The following CENPU variants were observed in gnomAD, a reference collection of about 807,000 sequenced individuals.
CENPU encodes KSHV latent nuclear antigen interacting protein 1.
A neutral mutation model predicts 56.7 loss-of-function variants in CENPU; 46 were observed. The ratio of observed to expected loss-of-function variants is 0.81; its 90% CI spans 0.64 to 1.04. The LOEUF is 1.04. Ranked by LOEUF, CENPU falls within the 50% of genes least tolerant of loss-of-function variation. CENPU has a pLI of 0.00. For missense variants in CENPU, 510 were observed against 490.1 expected (o/e 1.04, Z -0.38); for synonymous variants, 166 against 163.0 (o/e 1.02, Z -0.14).
In CENPU at chr4:184,695,224, A is replaced by T; in HGVS notation, c.*64T>A. ...CAAAACAATTGATTTATAAAGGTACAGTTTCAGAAGGTAACAGCATGAGAC... is the reference window on the plus strand; with the variant it reads ...CAAAACAATTGATTTATAAAGGTACTGTTTCAGAAGGTAACAGCATGAGAC... On this transcript the variant is annotated 3_prime_UTR_variant, in exon 13 of 13. Coordinates refer to ENST00000281453, the MANE Select transcript of CENPU (RefSeq NM_024629.4). 5.7e-6 allele frequency: 6 copies of T among 1,048,308 alleles called. No individual in the cohort carries two copies. The South Asian group carries it at 7.7e-5, about 13-fold the overall frequency. 64.9% of individuals were successfully genotyped at this position (1,048,308 alleles called of 1,614,324 possible).
rs1231038636 is a variant in CENPU, at chr4:184,712,855, A to G, written c.688+89T>C. The G allele has an allele frequency of 2.2e-5, 20 of 901,424 alleles. No individual in the cohort carries two copies. The African/African-American group carries it at 2.2e-4, about 10-fold the overall frequency. 55.8% of individuals were successfully genotyped at this position (901,424 alleles called of 1,614,324 possible). ...AAAGTGGCAATTTTATGTACTTACAATTTACTACTATAACAAATTAAGAAT... is the reference window on the plus strand; with the variant it reads ...AAAGTGGCAATTTTATGTACTTACAGTTTACTACTATAACAAATTAAGAAT... On this transcript the variant is annotated intron_variant, in intron 7 of 12. Coordinates refer to ENST00000281453, the MANE Select transcript of CENPU (RefSeq NM_024629.4).
chr4:184,726,656 C>CA (rs1280235293), intron 3 of CENPU, among the ~76,000 whole-genome samples: 3 of 152,076 alleles, frequency 2.0e-5, no homozygotes, highest in African/African-American at 7.2e-5. Flanking sequence ...AGCAGGGACT[C>CA]AAACAGATAT....
At chr4:184,721,480 G>GAAAAAAAA (rs1761275743) in intron 4 of CENPU, among the ~76,000 whole-genome samples, 6 of 40,796 alleles carry the variant, frequency 1.5e-4, no homozygotes, top group African/African-American at 5.1e-4. Context: ...AAAAAAAAAG[G>GAAAAAAAA]ACCCAATGAT....
chr4:184,720,969 C>A lies in CENPU; in HGVS notation c.321-3773G>T, dbSNP rs1039005873. On this transcript the variant is annotated intron_variant, in intron 4 of 12. Transcript: ENST00000281453. ...AAACTCACTGGTAATATGAAGTACACGGAAAAAGATAACACTGTAGCTGAT... is the reference window on the plus strand; with the variant it reads ...AAACTCACTGGTAATATGAAGTACAAGGAAAAAGATAACACTGTAGCTGAT... Among the ~76,000 whole-genome samples, 5 of 151,904 alleles carry A rather than the reference C, an allele frequency of 3.3e-5. No individual in the cohort carries two copies. The East Asian group carries it at 9.6e-4, about 29-fold the overall frequency.
At position 184,721,163 on chromosome 4, in the gene CENPU, C is replaced by T. The variant is rs760703197; in HGVS notation, c.320+3794G>A. On this transcript the variant is annotated intron_variant, in intron 4 of 12. Transcript: ENST00000281453. Reference sequence around the variant, plus strand: ...TTAGTTTTCTTTTTGCTTGTTTATGCGAGCAGGGTTAAGTTGTTAATGGCA... The same window carrying T: ...TTAGTTTTCTTTTTGCTTGTTTATGTGAGCAGGGTTAAGTTGTTAATGGCA... Among the ~76,000 whole-genome samples, 11 of 151,980 alleles carry T rather than the reference C, an allele frequency of 7.2e-5. No individual in the cohort carries two copies. In the East Asian group the frequency reaches 9.6e-4, roughly 13 times the overall value.
chr4:184,730,667 A>G (rs1331052754), intron 2 of CENPU, among the ~76,000 whole-genome samples: 1 of 152,078 alleles, frequency 6.6e-6, no homozygotes, highest in African/African-American at 2.4e-5. Context: ...ACAGCACTGT[A>G]CAATTTTTAC....
At chr4:184,710,269 A>C in intron 7 of CENPU, 89 bp from the exon 8 acceptor site, 2 of 730,400 alleles carry the variant, frequency 2.7e-6, no homozygotes, top group Non-Finnish European at 2.3e-6. Context: ...AAATAGTCTC[A>C]CCAAATTGTA....
rs145052196 is a variant in CENPU, at chr4:184,715,874, A to G, written c.618+523T>C. Among the ~76,000 whole-genome samples the G allele has an allele frequency of 2.6e-3, 392 of 151,720 alleles. 1 individual carries two copies. Among genetic ancestry groups the G allele is most frequent in the African/African-American group, 9.1e-3 (377 of 41,366 alleles). On this transcript the variant is annotated intron_variant, in intron 6 of 12. Coordinates refer to ENST00000281453, the MANE Select transcript of CENPU (RefSeq NM_024629.4). The stretch of plus-strand genomic sequence containing the variant: ...GCATAGACCAAAAAACATGGTGGTT[A>G]TTTTGGGTTATGGAATTACAGATGA...
chr4:184,696,883 C>T (rs1228474345), intron 12 of CENPU, among the ~76,000 whole-genome samples: 13 of 142,922 alleles, frequency 9.1e-5, no homozygotes, highest in African/African-American at 3.3e-4. Context: ...TGTTCCTTAA[C>T]TTTTTTTTTT....
chr4:184,721,457 TAAAAAAAAA>T (rs138476894), intron 4 of CENPU, among the ~76,000 whole-genome samples: 1 of 74,554 alleles, frequency 1.3e-5, no homozygotes, highest in Non-Finnish European at 2.3e-5. Flanking sequence ...TGGCTGATTG[TAAAAAAAAA>T]AAAAAAAAAA....
At chr4:184,723,296 A>G (rs1761338968) in intron 4 of CENPU, among the ~76,000 whole-genome samples, 1 of 152,258 alleles carries the variant, frequency 6.6e-6, no homozygotes, top group Non-Finnish European at 1.5e-5. Context: ...ATTCATATTT[A>G]CTTTTATATG....
At position 184,724,988 on chromosome 4, in the gene CENPU, A is replaced by G. The variant is rs369201602; in HGVS notation, c.289T>C (p.Ser97Pro). Residue 97 changes from serine to proline, a missense_variant, in exon 4 of 13, where the codon TCA (serine) becomes CCA (proline). By Grantham distance (74) the Ser-to-Pro change is moderately conservative (BLOSUM62 -1). Coordinates refer to ENST00000281453, the MANE Select transcript of CENPU (RefSeq NM_024629.4). ...FSKHCGLSLS[S>P]TPPGKEAKRS... is the part of the protein sequence containing the mutation. ...TTTGCTTCTTTTCCTGGAGGAGTTG[A>G]AGAGAGAGACAGTCCACAATGTTTG... is the stretch of plus-strand genomic sequence containing the variant. 5 of 1,612,870 alleles carry G rather than the reference A, an allele frequency of 3.1e-6. No individual in the cohort carries two copies. Among genetic ancestry groups the G allele is most frequent in the Non-Finnish European group, 2.5e-6 (3 of 1,179,276 alleles).
intron 9 of CENPU, 62 bp from the exon 10 acceptor site, chr4:184,702,198 A>G: frequency 7.5e-7 from 1 of 1,340,162 alleles, no homozygotes; most frequent in South Asian, 1.2e-5. Flanking sequence ...AATTAGTTTC[A>G]CATGTGTCAC....
At chr4:184,724,504 T>C (rs1237749676) in intron 4 of CENPU, among the ~76,000 whole-genome samples, 2 of 152,228 alleles carry the variant, frequency 1.3e-5, no homozygotes, top group African/African-American at 2.4e-5. Context: ...TAGCTTCACA[T>C]AAATCTCAAA....
chr4:184,710,388 G>C (rs142091304), intron 7 of CENPU: 1 of 373,826 alleles, frequency 2.7e-6, no homozygotes. Flanking sequence ...CTGCTGTCTC[G>C]CTGGTTCTCC....
rs139130756 is a variant in CENPU, at chr4:184,717,153, T to G, written c.364A>C (p.Lys122Gln). Residue 122 changes from lysine to glutamine, a missense_variant, in exon 5 of 13, where the codon AAA (lysine) becomes CAA (glutamine). By Grantham distance (53) the Lys-to-Gln change is moderately conservative. Transcript: ENST00000281453. ...CTACATACCTTTTTTGCACTAATTT[T>G]TACAGATTCGATTTCACTTGCTTCA... ...GNEASEIESV[K>Q]ISAKKPGRKL... 2.0e-4 allele frequency: 327 copies of G among 1,611,968 alleles called. 1 individual carries two copies. Among genetic ancestry groups the G allele is most frequent in the Non-Finnish European group, 2.6e-4 (312 of 1,179,442 alleles).
chr4:184,696,883 C>CTTT (rs11356233), intron 12 of CENPU, among the ~76,000 whole-genome samples: 3 of 142,880 alleles, frequency 2.1e-5, no homozygotes, highest in Admixed American at 7.0e-5. Context: ...TGTTCCTTAA[C>CTTT]TTTTTTTTTT....
chr4:184,713,069 T>G, intron 6 of CENPU, 56 bp from the exon 7 acceptor site: 1 of 1,148,338 alleles, frequency 8.7e-7, no homozygotes, highest in Non-Finnish European at 1.3e-6. Flanking sequence ...TCTTAAAACA[T>G]TAGGATTAAG....
chr4:184,728,854 A>C, intron 3 of CENPU, 64 bp downstream of exon 3: 1 of 1,162,180 alleles, frequency 8.6e-7, no homozygotes, highest in Non-Finnish European at 1.2e-6. Flanking sequence ...TCTATTTTTT[A>C]TTATATCTGG....
Sources: allele counts gnomAD v4.1 joint callset (sites outside exome capture counted in the v4.1 genomes callset), GRCh38; gene constraint gnomAD v4.1.1; transcripts MANE v1.5; gene names NCBI Gene and HGNC (gene_info 2026-07-23, HGNC 2026-07-21).